The following DZIP1L variants were observed in gnomAD, a reference collection of about 807,000 sequenced individuals.
The protein encoded by DZIP1L is DAZ interacting zinc finger protein 1 like.
In DZIP1L, 90 loss-of-function variants were observed where a neutral mutation model predicts 88.7. The observed-to-expected ratio is 1.02, with a 90% CI of 0.86 to 1.21. DZIP1L has a LOEUF of 1.21. Ranked by LOEUF, DZIP1L falls within the 50% of genes most tolerant of loss-of-function variation. DZIP1L has a pLI of 0.00. For missense variants in DZIP1L, 932 were observed against 955.8 expected, an observed-to-expected ratio of 0.98 and a Z score of 0.33; for synonymous variants, 363 against 372.1, an observed-to-expected ratio of 0.98 and a Z score of 0.28.
chr3:138,099,762 G>A (rs1435942123), intron 2 of DZIP1L, among the ~76,000 whole-genome samples: 1 of 152,110 alleles, frequency 6.6e-6, no homozygotes, highest in Non-Finnish European at 1.5e-5. Context: ...CTCTTGCAAT[G>A]AGCTCTGGAC....
At chr3:138,096,681 G>A (rs1944482502) in intron 3 of DZIP1L, among the ~76,000 whole-genome samples, 2 of 151,696 alleles carry the variant, frequency 1.3e-5, no homozygotes, top group Admixed American at 1.3e-4. Flanking sequence ...AAAAATTTAA[G>A]GCATGGAAAA....
Position 138,062,702 on chromosome 3 carries a change from G to A in DZIP1L, c.*114C>T, listed in dbSNP as rs1942749157. On this transcript the variant is annotated 3_prime_UTR_variant, in exon 16 of 16. Transcript: ENST00000327532. ...TCCCTGCACTGCTTCTCTCCAAGAG[G>A]ATGATCTCTTGGTTGTTTGTGAAGA... 2.5e-6 allele frequency: 3 copies of A among 1,212,802 alleles called. No individual in the cohort carries two copies. Among genetic ancestry groups the A allele is most frequent in the Non-Finnish European group, 2.4e-6 (2 of 846,262 alleles). 75.1% of individuals were successfully genotyped at this position (1,212,802 alleles called of 1,614,324 possible). A position where few individuals can be genotyped will look rare whatever the true frequency, so the allele number is the denominator to read the frequency against.
intron 5 of DZIP1L, 44 bp from the exon 6 acceptor site, chr3:138,088,551 C>G (rs777232696): frequency 1.7e-5 from 27 of 1,599,368 alleles, no homozygotes; most frequent in East Asian, 1.1e-4. Context: ...AAGATCTCAT[C>G]ATGATGTTGT....
chr3:138,077,342 A>C (rs1943459619), intron 11 of DZIP1L, among the ~76,000 whole-genome samples, 157 bp downstream of exon 11: 1 of 152,204 alleles, frequency 6.6e-6, no homozygotes, highest in Non-Finnish European at 1.5e-5. Flanking sequence ...GCCGCTGTGA[A>C]GTGAGAAAGG....
At chr3:138,080,667 T>C in intron 9 of DZIP1L, 47 bp from the exon 10 acceptor site, 1 of 1,600,052 alleles carries the variant, frequency 6.2e-7, no homozygotes, top group South Asian at 1.1e-5. Flanking sequence ...CTGGACCCCA[T>C]CCCTGACTAG....
chr3:138,086,433 TTC>T (rs1239803346), intron 7 of DZIP1L, among the ~76,000 whole-genome samples: 1 of 152,156 alleles, frequency 6.6e-6, no homozygotes, highest in Non-Finnish European at 1.5e-5. Context: ...ATGAACCAGC[TTC>T]CTCCTCAACT....
intron 2 of DZIP1L, among the ~76,000 whole-genome samples, chr3:138,103,081 C>T (rs945641075): frequency 6.6e-6 from 1 of 152,066 alleles, no homozygotes; most frequent in Non-Finnish European, 1.5e-5. Flanking sequence ...ACACCACACA[C>T]CCTACATACA....
chr3:138,086,887 G>A (rs1943964594), intron 7 of DZIP1L, 74 bp downstream of exon 7: 6 of 1,476,936 alleles, frequency 4.1e-6, no homozygotes, highest in Non-Finnish European at 9.4e-7. Context: ...TGGGTGAGGG[G>A]GCGTGGAGAA....
intron 10 of DZIP1L, among the ~76,000 whole-genome samples, chr3:138,078,088 A>G (rs1172779343): frequency 6.6e-6 from 1 of 152,240 alleles, no homozygotes; most frequent in Non-Finnish European, 1.5e-5. Flanking sequence ...CCTAGAATCT[A>G]CATTTTAACA....
At chr3:138,095,737 G>A (rs1456853884) in intron 3 of DZIP1L, among the ~76,000 whole-genome samples, 3 of 151,946 alleles carry the variant, frequency 2.0e-5, no homozygotes, top group Non-Finnish European at 2.9e-5. Context: ...AGCCGAGATC[G>A]CACGACTGCA....
At chr3:138,086,054 CA>C (rs761429880) in intron 7 of DZIP1L, among the ~76,000 whole-genome samples, 11 of 149,220 alleles carry the variant, frequency 7.4e-5, no homozygotes, top group Admixed American at 2.0e-4. Context: ...GGGAATTGAA[CA>C]ATGAGAACAC....
rs329391 is a variant in DZIP1L at position 138,063,813 on chromosome 3, G to A, written c.2142+815C>T. Among the ~76,000 whole-genome samples, 128,938 of 152,216 alleles carry A rather than the reference G, an allele frequency of 0.85. 54,933 individuals carry two copies. Among genetic ancestry groups the A allele is most frequent in the Middle Eastern group, 0.89 (262 of 294 alleles). On this transcript the variant is annotated intron_variant, in intron 15 of 15. Coordinates refer to ENST00000327532, the MANE Select transcript of DZIP1L (RefSeq NM_173543.3). This position sits in a 1 kb window ranked among gnomAD's most constrained non-coding sequence, Gnocchi z 4.1. Reference sequence around the variant, plus strand: ...CTCACAAACATACAGGAGCTGTGTGGTAAACCAAACACACTGTGGTAAAGA... The same window carrying A: ...CTCACAAACATACAGGAGCTGTGTGATAAACCAAACACACTGTGGTAAAGA...
intron 11 of DZIP1L, among the ~76,000 whole-genome samples, chr3:138,072,227 C>T (rs1943216095): frequency 6.6e-6 from 1 of 152,156 alleles, no homozygotes; most frequent in Non-Finnish European, 1.5e-5. Flanking sequence ...ACACACTGTC[C>T]ATGGCTAACA....
At chr3:138,064,532 T>C (rs761732869) in intron 15 of DZIP1L, 96 bp downstream of exon 15, 166 of 1,613,038 alleles carry the variant, frequency 1.0e-4, no homozygotes, top group Non-Finnish European at 1.3e-4. Context: ...GGATGACACT[T>C]GCTGGGCCCT....
At chr3:138,071,929 CTG>C in intron 11 of DZIP1L, 94 bp from the exon 12 acceptor site, 9 of 1,255,818 alleles carry the variant, frequency 7.2e-6, no homozygotes, top group Non-Finnish European at 8.7e-6. Context: ...GCCTGGGAGT[CTG>C]TGATCAGTGC....
chr3:138,101,379 G>T, intron 2 of DZIP1L: 1 of 667,404 alleles, frequency 1.5e-6, no homozygotes, highest in Non-Finnish European at 2.7e-6. Flanking sequence ...AGCCTCAGGT[G>T]GGTCTCCCGT....
At position 138,093,788 on chromosome 3, in the gene DZIP1L, T is replaced by C. The variant is rs77705789; in HGVS notation, c.708+1074A>G. 4.9e-3 allele frequency among the ~76,000 whole-genome samples: 742 copies of C among 152,362 alleles called. 4 individuals are homozygous for C. Among genetic ancestry groups the C allele is most frequent in the Non-Finnish European group, 8.0e-3 (547 of 68,032 alleles). On this transcript the variant is annotated intron_variant, in intron 4 of 15. Transcript: ENST00000327532. Reference sequence around the variant, plus strand: ...GCTTCTTCACTTCTCTCAGCCTTCATAGAAGTGAAGAGAGTTAGGTCCTTG... The same window carrying C: ...GCTTCTTCACTTCTCTCAGCCTTCACAGAAGTGAAGAGAGTTAGGTCCTTG...
chr3:138,106,707 C>G (rs1376571856), intron 1 of DZIP1L, among the ~76,000 whole-genome samples: 1 of 151,978 alleles, frequency 6.6e-6, no homozygotes, highest in East Asian at 1.9e-4. Flanking sequence ...TGGCGTGCAC[C>G]TGTAGTCCCA....
intron 1 of DZIP1L, 58 bp from the exon 2 acceptor site, chr3:138,104,110 A>T: frequency 7.0e-7 from 1 of 1,437,052 alleles, no homozygotes. Flanking sequence ...CACCTACTGT[A>T]TATCTGGCCA....
Sources: allele counts gnomAD v4.1 joint callset (sites outside exome capture counted in the v4.1 genomes callset), GRCh38; gene constraint gnomAD v4.1.1; non-coding constraint Gnocchi (gnomAD v3.1); transcripts MANE v1.5; gene names NCBI Gene and HGNC (gene_info 2026-07-23, HGNC 2026-07-21).